MTUS1: variants seen among roughly 807,000 people sequenced by gnomAD.
MTUS1 encodes microtubule-associated tumor suppressor 1.
In MTUS1, 109 loss-of-function variants were observed where a neutral mutation model predicts 120.8. The observed-to-expected ratio is 0.90, with a 90% CI of 0.77 to 1.06. The LOEUF (loss-of-function observed/expected upper bound fraction) is 1.06. Among genes scored for constraint, MTUS1 ranks in the 50% least tolerant of loss-of-function variants. The probability of loss-of-function intolerance (pLI) is 0.00; values close to 1 mark genes in which losing one functional copy is unlikely to be tolerated. For missense variants in MTUS1, 2,210 were observed against 1,486.3 expected (o/e 1.49, Z -8.01); for synonymous variants, 737 against 550.5 (o/e 1.34, Z -4.74).
chr8:17,780,405 C>T (rs1410604493), intron 1 of MTUS1, among the ~76,000 whole-genome samples: 1 of 152,182 alleles, frequency 6.6e-6, no homozygotes, highest in Non-Finnish European at 1.5e-5. Flanking sequence ...TCTAGCAATG[C>T]AAGAACAGTC....
intron 8 of MTUS1, among the ~76,000 whole-genome samples, chr8:17,664,999 G>A (rs1308965030): frequency 6.6e-6 from 1 of 152,126 alleles, no homozygotes; most frequent in Admixed American, 6.5e-5. Context: ...ATGGAAGGTA[G>A]GAACAAATAC....
chr8:17,648,562 C>G (rs768950532), intron 13 of MTUS1, among the ~76,000 whole-genome samples: 2 of 152,196 alleles, frequency 1.3e-5, no homozygotes, highest in Admixed American at 6.5e-5. Context: ...GGTATGTATA[C>G]TAGGTTGGCC....
chr8:17,756,035 A>T, intron 1 of MTUS1, 74 bp from the exon 2 acceptor site: 15 of 853,334 alleles, frequency 1.8e-5, no homozygotes, highest in Non-Finnish European at 2.3e-5. Context: ...TTCAATCACT[A>T]AGTGATTAGT....
chr8:17,659,147 G>C (rs1585466229), intron 8 of MTUS1, among the ~76,000 whole-genome samples: 1 of 152,126 alleles, frequency 6.6e-6, no homozygotes, highest in East Asian at 1.9e-4. Context: ...ATGGGTTTCG[G>C]TGAGCAGTCT....
chr8:17,760,714 T>C (rs997371403), intron 1 of MTUS1, among the ~76,000 whole-genome samples: 1 of 152,084 alleles, frequency 6.6e-6, no homozygotes, highest in Non-Finnish European at 1.5e-5. Context: ...AGTTGCTATT[T>C]GTAAAGCCTT....
chr8:17,771,260 C>G (rs1041847138), intron 1 of MTUS1, among the ~76,000 whole-genome samples: 1 of 152,150 alleles, frequency 6.6e-6, no homozygotes. Context: ...AGTGGTTCAC[C>G]ATCTCAGGTC....
At chr8:17,749,854 T>C (rs991095127) in intron 2 of MTUS1, among the ~76,000 whole-genome samples, 3 of 152,130 alleles carry the variant, frequency 2.0e-5, no homozygotes, top group Admixed American at 6.5e-5. Flanking sequence ...TAGGCCCATC[T>C]TCTCAGGATC....
chr8:17,665,857 T>TC (rs534449719), intron 8 of MTUS1, among the ~76,000 whole-genome samples: 1 of 151,924 alleles, frequency 6.6e-6, no homozygotes, highest in African/African-American at 2.4e-5. Flanking sequence ...AAATGACCTT[T>TC]CCCCCCCTAT....
At chr8:17,696,776 T>C (rs1343689994) in intron 6 of MTUS1, among the ~76,000 whole-genome samples, 1 of 152,206 alleles carries the variant, frequency 6.6e-6, no homozygotes, top group Non-Finnish European at 1.5e-5. Context: ...CATTAGGATG[T>C]TTTCTGTCAG....
chr8:17,713,250 G>T lies in MTUS1; in HGVS notation c.2587C>A (p.Pro863Thr), dbSNP rs780024529. 6.4e-7 allele frequency: 1 copy of T among 1,561,060 alleles called. No individual in the cohort carries two copies. Among genetic ancestry groups the T allele is most frequent in the South Asian group, 1.1e-5 (1 of 88,386 alleles). Residue 863 changes from proline to threonine, a missense_variant and splice_region_variant, in exon 6 of 15, where the codon CCT becomes ACT. Pro to Thr is a conservative substitution (Grantham distance 38, BLOSUM62 -1). Transcript: ENST00000693296. ...VHLMKTPPKG[P>T]SRKNLFTALN... Reference sequence around the variant, plus strand: ...GCTGTAAATAAATTTTTTCTCGAAGGACCTAAGATATAAAAGAAACATGTA... The same window carrying T: ...GCTGTAAATAAATTTTTTCTCGAAGTACCTAAGATATAAAAGAAACATGTA...
chr8:17,765,816 A>G (rs866059546), intron 1 of MTUS1, among the ~76,000 whole-genome samples: 15 of 151,984 alleles, frequency 9.9e-5, no homozygotes, highest in African/African-American at 3.4e-4. Context: ...ATTTTCTCGT[A>G]AAGTCCATTA....
intron 6 of MTUS1, among the ~76,000 whole-genome samples, chr8:17,711,197 T>C (rs1207938672): frequency 6.6e-6 from 1 of 152,224 alleles, no homozygotes; most frequent in East Asian, 1.9e-4. Context: ...ATAAGACAGC[T>C]TGTCATCTGA....
intron 1 of MTUS1, among the ~76,000 whole-genome samples, chr8:17,799,810 T>C (rs766745983): frequency 6.6e-6 from 1 of 152,186 alleles, no homozygotes; most frequent in African/African-American, 2.4e-5. Flanking sequence ...TGGTGCAAGT[T>C]ACATAAATAA....
At chr8:17,772,872 C>A (rs1291389549) in intron 1 of MTUS1, among the ~76,000 whole-genome samples, 9 of 152,076 alleles carry the variant, frequency 5.9e-5, no homozygotes, top group African/African-American at 2.2e-4. Context: ...ATAAGGTGCC[C>A]TTGAAAAGTA....
intron 1 of MTUS1, among the ~76,000 whole-genome samples, chr8:17,768,095 A>G (rs1238520099): frequency 1.3e-5 from 2 of 152,230 alleles, no homozygotes; most frequent in Non-Finnish European, 2.9e-5. Context: ...ATTATTTTAA[A>G]AGACTACTTC....
intron 1 of MTUS1, among the ~76,000 whole-genome samples, chr8:17,762,804 A>G (rs1447433993): frequency 6.6e-6 from 1 of 152,166 alleles, no homozygotes; most frequent in Non-Finnish European, 1.5e-5. Context: ...CAACTGACTG[A>G]TTCAGAAGGC....
intron 6 of MTUS1, among the ~76,000 whole-genome samples, chr8:17,690,405 G>C (rs1816718397): frequency 1.3e-5 from 2 of 152,168 alleles, no homozygotes; most frequent in South Asian, 4.1e-4. Flanking sequence ...CAAAGATGTG[G>C]AGAGAAGGCA....
intron 7 of MTUS1, among the ~76,000 whole-genome samples, chr8:17,678,272 T>C (rs528875483): frequency 1.3e-5 from 2 of 152,318 alleles, no homozygotes; most frequent in African/African-American, 4.8e-5. Flanking sequence ...TAGATCAGTG[T>C]TTCTCTCTTA....
At chr8:17,752,931 C>A (rs139057846) in intron 2 of MTUS1, among the ~76,000 whole-genome samples, 1 of 152,166 alleles carries the variant, frequency 6.6e-6, no homozygotes, top group Non-Finnish European at 1.5e-5. Context: ...AATTTCTACA[C>A]ACTATTCTCA....
Sources: allele counts gnomAD v4.1 joint callset (sites outside exome capture counted in the v4.1 genomes callset), GRCh38; gene constraint gnomAD v4.1.1; transcripts MANE v1.5; gene names NCBI Gene and HGNC (gene_info 2026-07-23, HGNC 2026-07-21).